The following SLC35D2 variants were observed in gnomAD, a reference collection of about 807,000 sequenced individuals.
SLC35D2 encodes the protein solute carrier family 35 member D2.
Under a neutral mutation model 41.8 loss-of-function variants are expected in SLC35D2, and 43 were observed. That is an observed-to-expected ratio of 1.03 (90% CI 0.81 to 1.33). SLC35D2 has a LOEUF of 1.33. Ranked by LOEUF, SLC35D2 falls within the 40% of genes most tolerant of loss-of-function variation. The pLI is 0.00. For missense variants in SLC35D2, 380 were observed against 408.4 expected (o/e 0.93, Z 0.60); for synonymous variants, 150 against 163.9 (o/e 0.92, Z 0.65).
chr9:96,338,113 C>T lies in SLC35D2; in HGVS notation c.685-1329G>A, dbSNP rs1363896440. On this transcript the variant is annotated intron_variant, in intron 8 of 11. Transcript: ENST00000253270. ...GTATTTTATTCATGGTTGGCCCCTG[C>T]CTGTATCCAAAAACGATCTGAAAGT... Among the ~76,000 whole-genome samples, 4 of 151,928 alleles carry T rather than the reference C, an allele frequency of 2.6e-5. No individual in the cohort carries two copies. In the East Asian group the frequency reaches 7.7e-4, roughly 29 times the overall value.
intron 1 of SLC35D2, among the ~76,000 whole-genome samples, chr9:96,369,714 T>G (rs761146453): frequency 9.9e-5 from 15 of 152,158 alleles, no homozygotes; most frequent in Non-Finnish European, 2.9e-5. Flanking sequence ...GTGATTTGGA[T>G]GCAGACTTCT....
intron 6 of SLC35D2, among the ~76,000 whole-genome samples, chr9:96,348,908 A>G (rs890507042): frequency 7.9e-5 from 12 of 152,188 alleles, no homozygotes; most frequent in African/African-American, 2.9e-4. Context: ...CCAAAGACTT[A>G]CCACAGTTTT....
At chr9:96,345,813 G>A (rs1042881704) in intron 6 of SLC35D2, among the ~76,000 whole-genome samples, 1 of 152,174 alleles carries the variant, frequency 6.6e-6, no homozygotes, top group Non-Finnish European at 1.5e-5. Flanking sequence ...CAGAGGCTGG[G>A]TAAGAGGGGT....
At chr9:96,342,627 G>A (rs1299848625) in intron 8 of SLC35D2, among the ~76,000 whole-genome samples, 18 of 152,250 alleles carry the variant, frequency 1.2e-4, no homozygotes, top group Middle Eastern at 3.4e-3. Context: ...TAAATAACCC[G>A]AAAAAGAGAG....
intron 11 of SLC35D2, among the ~76,000 whole-genome samples, chr9:96,315,620 T>A (rs1022692200): frequency 5.3e-5 from 8 of 151,982 alleles, no homozygotes; most frequent in Middle Eastern, 3.4e-3. Flanking sequence ...TTTTTAGTAG[T>A]GACGGGGTTT....
intron 9 of SLC35D2, among the ~76,000 whole-genome samples, chr9:96,331,008 G>A (rs893137582): frequency 5.9e-5 from 9 of 152,002 alleles, no homozygotes; most frequent in African/African-American, 2.2e-4. Flanking sequence ...AGAGATTATC[G>A]TGCCTCAGCC....
chr9:96,369,831 C>T (rs1016697156), intron 1 of SLC35D2, among the ~76,000 whole-genome samples: 2 of 152,172 alleles, frequency 1.3e-5, no homozygotes, highest in African/African-American at 2.4e-5. Context: ...AGCTGGAATA[C>T]CCCACAAAAC....
chr9:96,376,048 C>A (rs997955337), intron 1 of SLC35D2, among the ~76,000 whole-genome samples: 12 of 152,056 alleles, frequency 7.9e-5, no homozygotes, highest in Middle Eastern at 6.8e-3. Context: ...GTAATCTTAG[C>A]ACTTTGGGAG....
intron 6 of SLC35D2, among the ~76,000 whole-genome samples, chr9:96,350,391 A>G (rs1829765991): frequency 8.9e-6 from 1 of 112,744 alleles, no homozygotes; most frequent in Admixed American, 1.3e-4. Context: ...ATAGGTTCTC[A>G]CAATGTTTCC....
chr9:96,351,043 GC>G, intron 6 of SLC35D2, 59 bp downstream of exon 6: 1 of 1,236,244 alleles, frequency 8.1e-7, no homozygotes, highest in Admixed American at 1.7e-5. Flanking sequence ...TGAGGATGGG[GC>G]TGGGCCTATT....
intron 1 of SLC35D2, among the ~76,000 whole-genome samples, chr9:96,379,138 A>C (rs558637364): frequency 1.2e-3 from 126 of 101,402 alleles, no homozygotes; most frequent in Non-Finnish European, 1.7e-3. Context: ...TCTCTACAGA[A>C]AAAAAAAAAA....
chr9:96,343,998 T>A lies in SLC35D2; in HGVS notation c.592-2A>T. 6.3e-7 allele frequency: 1 copy of A among 1,575,816 alleles called. No homozygotes were observed. Among genetic ancestry groups the A allele is most frequent in the Non-Finnish European group, 8.6e-7 (1 of 1,165,398 alleles). The stretch of plus-strand genomic sequence containing the variant: ...AAGTACTCCGTATTTCCCTAGCTCC[T>A]GCAAAAACAAAAATGTAAAAACCAC... On this transcript the variant is annotated splice_acceptor_variant, in intron 7 of 11. Transcript: ENST00000253270. LOFTEE classifies it high-confidence loss of function.
intron 4 of SLC35D2, 117 bp downstream of exon 4, chr9:96,360,037 T>C: frequency 1.7e-6 from 1 of 592,854 alleles, no homozygotes; most frequent in Non-Finnish European, 2.9e-6. Context: ...CTACTAAATA[T>C]TATTGTCTTC....
intron 1 of SLC35D2, among the ~76,000 whole-genome samples, chr9:96,374,959 T>A (rs899835554): frequency 2.2e-4 from 34 of 151,870 alleles, no homozygotes; most frequent in East Asian, 5.8e-4. Flanking sequence ...AAATTTTTTT[T>A]AAATTTTACC....
intron 1 of SLC35D2, among the ~76,000 whole-genome samples, chr9:96,375,320 G>A (rs921259126): frequency 2.0e-5 from 3 of 151,866 alleles, no homozygotes; most frequent in Non-Finnish European, 4.4e-5. Context: ...GGTCACGCCT[G>A]TAATCCTAGC....
chr9:96,322,720 T>TTTTTTG (rs1564082425), intron 10 of SLC35D2, among the ~76,000 whole-genome samples: 5 of 140,806 alleles, frequency 3.6e-5, no homozygotes, highest in African/African-American at 1.4e-4. Context: ...TTCTGGGGTT[T>TTTTTTG]TTTTTTTTTT....
intron 9 of SLC35D2, among the ~76,000 whole-genome samples, chr9:96,328,175 A>C (rs558627593): frequency 5.2e-4 from 79 of 152,332 alleles, no homozygotes; most frequent in African/African-American, 1.8e-3. Context: ...TGATTTTACT[A>C]TCTGTAGATT....
At chr9:96,368,209 T>G (rs914198502) in intron 2 of SLC35D2, 63 bp downstream of exon 2, 1 of 1,374,176 alleles carries the variant, frequency 7.3e-7, no homozygotes, top group South Asian at 1.3e-5. Context: ...ACAAAAGGAC[T>G]TAAAATGTCA....
intron 7 of SLC35D2, among the ~76,000 whole-genome samples, chr9:96,344,564 GAT>G (rs1829486479): frequency 8.1e-5 from 2 of 24,602 alleles, no homozygotes; most frequent in African/African-American, 5.5e-4. Context: ...AAACAGAGCA[GAT>G]AAAAAAAAAA....
Sources: gnomAD v4.1 joint callset for allele counts (sites outside exome capture counted in the v4.1 genomes callset) on GRCh38, gnomAD v4.1.1 for gene constraint, MANE v1.5 for transcripts, NCBI Gene and HGNC (gene_info 2026-07-23, HGNC 2026-07-21) for gene names.